Variants in VDAC2 observed in about 807,000 individuals in gnomAD.
The protein encoded by VDAC2 is voltage dependent anion channel 2.
A neutral mutation model predicts 36.6 loss-of-function variants in VDAC2; 6 were observed. That is an observed-to-expected ratio of 0.16 (90% CI 0.09 to 0.32). The LOEUF (loss-of-function observed/expected upper bound fraction) is 0.32, where lower values mean the gene tolerates loss of function less well. Among genes scored for constraint, VDAC2 ranks in the 10% least tolerant of loss-of-function variants. The probability of loss-of-function intolerance (pLI) is 1.00; values close to 1 mark genes in which losing one functional copy is unlikely to be tolerated. For synonymous variants in VDAC2, 109 were observed against 123.8 expected (o/e 0.88, Z 0.79); for missense variants, 247 against 346.0 (o/e 0.71, Z 2.27).
intron 6 of VDAC2, among the ~76,000 whole-genome samples, chr10:75,220,179 C>T (rs918610014): frequency 6.6e-6 from 1 of 151,750 alleles, no homozygotes; most frequent in Non-Finnish European, 1.5e-5. Flanking sequence ...GATCTTGGCT[C>T]ACTGCAACCT....
chr10:75,217,257 CAAAA>C (rs556993048), intron 4 of VDAC2, among the ~76,000 whole-genome samples: 3 of 151,268 alleles, frequency 2.0e-5, no homozygotes, highest in African/African-American at 7.3e-5. Flanking sequence ...ACCCTGTCTC[CAAAA>C]AAAACCGCAA....
chr10:75,218,964 C>A, intron 4 of VDAC2, 99 bp from the exon 5 acceptor site: 2 of 1,274,752 alleles, frequency 1.6e-6, no homozygotes, highest in South Asian at 1.6e-5. Context: ...CATGAATTTA[C>A]CAAATGTTTC....
intron 4 of VDAC2, among the ~76,000 whole-genome samples, chr10:75,217,109 T>C (rs1028213663): frequency 6.6e-6 from 1 of 151,886 alleles, no homozygotes; most frequent in Admixed American, 6.6e-5. Flanking sequence ...ATTTAAAAAT[T>C]AGCTGTGCTT....
At chr10:75,211,621 A>G (rs1190756377) in intron 2 of VDAC2, 2 of 1,550,516 alleles carry the variant, frequency 1.3e-6, no homozygotes, top group Non-Finnish European at 1.7e-6. Flanking sequence ...CCTGCCCTTA[A>G]GCAGCACAGC....
intron 2 of VDAC2, chr10:75,211,507 G>A (rs1339842204): frequency 4.5e-6 from 7 of 1,539,896 alleles, no homozygotes; most frequent in South Asian, 3.6e-5. Flanking sequence ...TTTTCTAGAG[G>A]AAGTAGCAGT....
At position 75,231,401 on chromosome 10, in the gene VDAC2, T is replaced by A. The variant is rs1180506172; in HGVS notation, c.*412T>A. ...TTGTTAAGTTCAGCCATTATTACTT[T>A]TGGTATCCCAGAACATGACAAATTA... is the stretch of plus-strand genomic sequence containing the variant. On this transcript the variant is annotated 3_prime_UTR_variant, in exon 10 of 10. Coordinates refer to ENST00000332211, the MANE Select transcript of VDAC2 (RefSeq NM_001391963.1). 6.5e-6 allele frequency: 1 copy of A among 154,448 alleles called. No homozygotes were observed. Among genetic ancestry groups the A allele is most frequent in the Non-Finnish European group, 1.4e-5 (1 of 69,098 alleles). The allele number at this position is 154,448 out of a possible 1,614,324, so 9.6% of individuals were successfully genotyped here. A position where few individuals can be genotyped will look rare whatever the true frequency, so the allele number is the denominator to read the frequency against.
At chr10:75,225,950 A>G (rs941250059) in intron 8 of VDAC2, among the ~76,000 whole-genome samples, 5 of 151,924 alleles carry the variant, frequency 3.3e-5, no homozygotes, top group African/African-American at 9.7e-5. Flanking sequence ...CCACTACCAC[A>G]CTCGGCTAAT....
In VDAC2 at chr10:75,229,675, T is replaced by C. The variant is rs917560187; in HGVS notation, c.767T>C (p.Val256Ala). The C allele has an allele frequency of 2.5e-6, 4 of 1,607,522 alleles. No homozygotes were observed. The highest frequency in any genetic ancestry group is 3.4e-6 in the Non-Finnish European group (4 of 1,178,240). The part of the protein sequence containing the change: ...AKVNNSSLIG[V>A]GYTQTLRPGV... ...GTCAACAACTCTAGCTTAATTGGAG[T>C]AGGCTATACTCAGACTCTGAGGCCT... Residue 256 changes from valine (V) to alanine (A), a missense_variant, in exon 9 of 10, where the codon GTA becomes GCA. Coordinates refer to ENST00000332211, the MANE Select transcript of VDAC2 (RefSeq NM_001391963.1).
chr10:75,211,002 C>T (rs1234634580), intron 1 of VDAC2, 64 bp downstream of exon 1: 10 of 838,748 alleles, frequency 1.2e-5, no homozygotes, highest in Non-Finnish European at 1.5e-5. Flanking sequence ...GCCGGAGGCC[C>T]GCGCCGGACT....
intron 4 of VDAC2, among the ~76,000 whole-genome samples, chr10:75,216,991 A>G (rs1841625504): frequency 1.3e-5 from 2 of 152,210 alleles, no homozygotes; most frequent in Non-Finnish European, 2.9e-5. Flanking sequence ...ACAGTGGCTC[A>G]TTCCTGTAAT....
chr10:75,230,785 A>G, intron 9 of VDAC2, 113 bp from the exon 10 acceptor site: 5 of 843,042 alleles, frequency 5.9e-6, no homozygotes, highest in Non-Finnish European at 9.1e-6. Context: ...GTCAGCTGAC[A>G]GGCTGAGGAA....
chr10:75,223,577 C>T (rs542143138), intron 8 of VDAC2, among the ~76,000 whole-genome samples: 6 of 152,258 alleles, frequency 3.9e-5, no homozygotes, highest in African/African-American at 1.4e-4. Context: ...GCTTAATGCT[C>T]CTTGTGATAT....
intron 8 of VDAC2, among the ~76,000 whole-genome samples, chr10:75,226,446 T>G (rs1275815062): frequency 6.9e-6 from 1 of 144,576 alleles, no homozygotes; most frequent in African/African-American, 2.6e-5. Context: ...GACAGTCTTT[T>G]GTGGGTTTTT....
chr10:75,220,581 C>T (rs543950336), intron 6 of VDAC2, among the ~76,000 whole-genome samples, 162 bp from the exon 7 acceptor site: 2 of 152,294 alleles, frequency 1.3e-5, no homozygotes, highest in African/African-American at 4.8e-5. Context: ...TTCATGTGTC[C>T]TTGTCTTGTA....
At chr10:75,213,758 A>G (rs1841507560) in intron 3 of VDAC2, among the ~76,000 whole-genome samples, 1 of 152,248 alleles carries the variant, frequency 6.6e-6, no homozygotes, top group African/African-American at 2.4e-5. Flanking sequence ...TAAATAAATA[A>G]ATAAATAAAT....
intron 3 of VDAC2, 54 bp downstream of exon 3, chr10:75,212,352 G>T: frequency 6.7e-7 from 1 of 1,489,780 alleles, no homozygotes. Context: ...TGTATGTTTG[G>T]GTTGCTTAGC....
chr10:75,211,675 T>C (rs754873157), intron 2 of VDAC2: 2 of 1,550,550 alleles, frequency 1.3e-6, no homozygotes, highest in South Asian at 2.4e-5. Flanking sequence ...TTTGAAGCGC[T>C]ATTTGATATT....
chr10:75,213,900 C>T (rs1841514500), intron 3 of VDAC2, 121 bp from the exon 4 acceptor site: 1 of 934,486 alleles, frequency 1.1e-6, no homozygotes, highest in Non-Finnish European at 1.7e-6. Flanking sequence ...TGTATATTAA[C>T]ACATTTTTAT....
chr10:75,219,276 A>T (rs1022398304), intron 5 of VDAC2, 28 bp from the exon 6 acceptor site: 3 of 1,571,796 alleles, frequency 1.9e-6, no homozygotes, highest in Non-Finnish European at 2.6e-6. Flanking sequence ...TCAAAAAAAG[A>T]AAACAAATTA....
Sources: allele counts gnomAD v4.1 joint callset (sites outside exome capture counted in the v4.1 genomes callset), GRCh38; gene constraint gnomAD v4.1.1; transcripts MANE v1.5; gene names NCBI Gene and HGNC (gene_info 2026-07-23, HGNC 2026-07-21).